Variants in GFOD1 observed in about 807,000 individuals in gnomAD.
The protein encoded by GFOD1 is glucose-fructose oxidoreductase domain-containing protein 1.
In GFOD1, 9 loss-of-function variants were observed where a neutral mutation model predicts 25.4. That is an observed-to-expected ratio of 0.35 (90% CI 0.21 to 0.62). The LOEUF (loss-of-function observed/expected upper bound fraction) is 0.62, where lower values mean the gene tolerates loss of function less well. Ranked by LOEUF, GFOD1 falls within the 20% of genes least tolerant of loss-of-function variation. GFOD1 has a pLI of 0.72. For missense variants in GFOD1, 403 were observed against 556.9 expected (o/e 0.72, Z 2.78); for synonymous variants, 253 against 245.6 (o/e 1.03, Z -0.28).
intron 1 of GFOD1, 121 bp downstream of exon 1, chr6:13,486,516 CG>C (rs1428043292): frequency 3.8e-6 from 3 of 796,750 alleles, no homozygotes; most frequent in Non-Finnish European, 5.8e-6. Flanking sequence ...CTCAGATCCC[CG>C]GGGCAGCGTA....
chr6:13,486,247 T>TCCCCCCCCCCC (rs373896526), intron 1 of GFOD1: 24 of 116,334 alleles, frequency 2.1e-4, no homozygotes, highest in African/African-American at 1.0e-3. Context: ...CACCCCCCCA[T>TCCCCCCCCCCC]CCCCCCCCCC....
At chr6:13,458,549 A>G (rs574552765) in intron 1 of GFOD1, among the ~76,000 whole-genome samples, 1 of 152,160 alleles carries the variant, frequency 6.6e-6, no homozygotes, top group East Asian at 1.9e-4. Context: ...TTTCAGTCCC[A>G]GAGCCCTTCC....
At position 13,364,985 on chromosome 6, in the gene GFOD1, G is replaced by T; in HGVS notation, c.931C>A (p.Gln311Lys). The change falls in exon 2 of 2, where the codon CAG becomes AAG. Residue 311 changes from glutamine to lysine, a missense_variant. Coordinates refer to ENST00000379287, the MANE Select transcript of GFOD1 (RefSeq NM_018988.4). This position sits in a 1 kb window ranked among gnomAD's most constrained non-coding sequence, Gnocchi z 4.1. ...TCCTGGAAGGCCTGGCGCACCGCCT[G>T]CATCATCTTGATGGTGCCGCGCAGG... is the stretch of plus-strand genomic sequence containing the variant. ...PYLRGTIKMM[Q>K]AVRQAFQDQD... The T allele has an allele frequency of 1.2e-6, 2 of 1,610,324 alleles. No homozygotes were observed. The highest frequency in any genetic ancestry group is 2.2e-5 in the East Asian group (1 of 44,864).
chr6:13,372,902 C>T (rs766358292), intron 1 of GFOD1, among the ~76,000 whole-genome samples: 12 of 152,220 alleles, frequency 7.9e-5, no homozygotes, highest in African/African-American at 9.6e-5. Context: ...GAAGCCAAAA[C>T]GGATGCTAGT....
chr6:13,370,144 C>T (rs55651307), intron 1 of GFOD1, among the ~76,000 whole-genome samples: 5,729 of 152,290 alleles, frequency 0.038, 318 homozygotes, highest in African/African-American at 0.12. Flanking sequence ...AGTTCCTGAG[C>T]CCCAGAGAGC....
intron 1 of GFOD1, among the ~76,000 whole-genome samples, chr6:13,476,484 G>A (rs1049990262): frequency 6.6e-6 from 1 of 152,356 alleles, no homozygotes; most frequent in South Asian, 2.1e-4. Context: ...AAATGTTTTA[G>A]TGTGTTGAAA....
At chr6:13,445,065 T>C (rs1757981823) in intron 1 of GFOD1, among the ~76,000 whole-genome samples, 1 of 152,180 alleles carries the variant, frequency 6.6e-6, no homozygotes, top group Non-Finnish European at 1.5e-5. Flanking sequence ...ACCACATTAA[T>C]GATCAGTAAC....
chr6:13,461,502 G>A (rs1253062209), intron 1 of GFOD1, among the ~76,000 whole-genome samples: 1 of 152,150 alleles, frequency 6.6e-6, no homozygotes, highest in Non-Finnish European at 1.5e-5. Flanking sequence ...TCAGTTGGCT[G>A]AGCCCAAGCT....
At chr6:13,388,764 G>A (rs1415501486) in intron 1 of GFOD1, among the ~76,000 whole-genome samples, 1 of 152,098 alleles carries the variant, frequency 6.6e-6, no homozygotes, top group Non-Finnish European at 1.5e-5. Flanking sequence ...TTGACAAATG[G>A]GATCTAATTA....
At chr6:13,369,254 C>T (rs747405484) in intron 1 of GFOD1, among the ~76,000 whole-genome samples, 3 of 152,202 alleles carry the variant, frequency 2.0e-5, no homozygotes, top group East Asian at 1.9e-4. Flanking sequence ...AGATGGGTCT[C>T]GGCAACATCT....
intron 1 of GFOD1, among the ~76,000 whole-genome samples, chr6:13,427,809 C>A (rs1550520): frequency 6.6e-6 from 1 of 152,038 alleles, no homozygotes; most frequent in Admixed American, 6.5e-5. Context: ...TAGACTTGTA[C>A]GTAATTCCTG....
chr6:13,382,176 TTATAA>T (rs1409876393), intron 1 of GFOD1, among the ~76,000 whole-genome samples: 2 of 152,144 alleles, frequency 1.3e-5, no homozygotes, highest in Non-Finnish European at 2.9e-5. Flanking sequence ...CTTATCTTGA[TTATAA>T]TATATTACAA....
At chr6:13,437,359 C>G (rs1221412917) in intron 1 of GFOD1, among the ~76,000 whole-genome samples, 1 of 152,122 alleles carries the variant, frequency 6.6e-6, no homozygotes, top group Non-Finnish European at 1.5e-5. Flanking sequence ...CTAAAAGTCA[C>G]CTGAAATCCC....
At position 13,446,020 on chromosome 6, in the gene GFOD1, G is replaced by A. The variant is rs1757996935; in HGVS notation, c.253+40618C>T. Among the ~76,000 whole-genome samples, 3 of 152,004 alleles carry A rather than the reference G, an allele frequency of 2.0e-5. No homozygotes were observed. In the South Asian group the frequency reaches 6.2e-4, roughly 31 times the overall value. ...ATGTCTGTTTATTCAACCTCAAAAG[G>A]AAAAAAATGATGCTGGCAGGGTCAA... On this transcript the variant is annotated intron_variant, in intron 1 of 1. Coordinates refer to ENST00000379287, the MANE Select transcript of GFOD1 (RefSeq NM_018988.4).
At chr6:13,417,852 GAA>G (rs994398376) in intron 1 of GFOD1, among the ~76,000 whole-genome samples, 2 of 152,186 alleles carry the variant, frequency 1.3e-5, no homozygotes, top group Non-Finnish European at 2.9e-5. Context: ...AACCTGCTGG[GAA>G]AAGATTAAGC....
At chr6:13,417,312 C>T (rs1786179354) in intron 1 of GFOD1, among the ~76,000 whole-genome samples, 2 of 152,166 alleles carry the variant, frequency 1.3e-5, no homozygotes, top group South Asian at 4.1e-4. Flanking sequence ...CGCCACCACG[C>T]CCGGCTAATT....
chr6:13,461,547 C>T (rs965872796), intron 1 of GFOD1, among the ~76,000 whole-genome samples: 1 of 152,128 alleles, frequency 6.6e-6, no homozygotes, highest in African/African-American at 2.4e-5. Context: ...CCACTGTCAG[C>T]TCATACCTTC....
chr6:13,440,595 G>A (rs564590314), intron 1 of GFOD1, among the ~76,000 whole-genome samples: 4 of 152,284 alleles, frequency 2.6e-5, no homozygotes, highest in South Asian at 2.1e-4. Flanking sequence ...ACTCCTCATC[G>A]CTAGAAAACC....
intron 1 of GFOD1, among the ~76,000 whole-genome samples, chr6:13,482,638 C>T (rs2127579965): frequency 6.6e-6 from 1 of 152,198 alleles, no homozygotes; most frequent in South Asian, 2.1e-4. Flanking sequence ...ATCCCAGCTA[C>T]TCAGGAGGCT....
Sources: allele counts gnomAD v4.1 joint callset (sites outside exome capture counted in the v4.1 genomes callset), GRCh38; gene constraint gnomAD v4.1.1; non-coding constraint Gnocchi (gnomAD v3.1); transcripts MANE v1.5; gene names NCBI Gene and HGNC (gene_info 2026-07-23, HGNC 2026-07-21).